The following HECW2 variants were observed in gnomAD, a reference collection of about 807,000 sequenced individuals.
HECW2 encodes the protein HECT, C2 and WW domain containing E3 ubiquitin protein ligase 2.
HECW2 carries 61 observed loss-of-function variants against 175.2 expected under a neutral mutation model. That is an observed-to-expected ratio of 0.35 (90% CI 0.28 to 0.43). The LOEUF (loss-of-function observed/expected upper bound fraction) is 0.43. Among genes scored for constraint, HECW2 ranks in the 20% least tolerant of loss-of-function variants. The probability of loss-of-function intolerance (pLI) is 1.00; values close to 1 mark genes in which losing one functional copy is unlikely to be tolerated. For synonymous variants in HECW2, 671 were observed against 731.0 expected (o/e 0.92, Z 1.32); for missense variants, 1,524 against 2,000.5 (o/e 0.76, Z 4.54).
chr2:196,359,757 C>A lies in HECW2; in HGVS notation c.293-15993G>T, dbSNP rs1334506486. On this transcript the variant is annotated intron_variant, in intron 2 of 28. Coordinates refer to ENST00000644978, the MANE Select transcript of HECW2 (RefSeq NM_001348768.2). Reference sequence around the variant, plus strand: ...AGGAGGTTACTCTTATTGAACTAAACCAAATACTTGTTGGAGCTCATCTAA... The same window carrying A: ...AGGAGGTTACTCTTATTGAACTAAAACAAATACTTGTTGGAGCTCATCTAA... 2.0e-5 allele frequency among the ~76,000 whole-genome samples: 3 copies of A among 152,124 alleles called. No individual in the cohort carries two copies. The East Asian group carries it at 5.8e-4, about 29-fold the overall frequency.
intron 28 of HECW2, 61 bp from the exon 29 acceptor site, chr2:196,201,449 G>GGTGT (rs369701554): frequency 8.0e-6 from 8 of 1,000,968 alleles, no homozygotes; most frequent in Non-Finnish European, 1.2e-5. Flanking sequence ...AAATGTGTGT[G>GGTGT]GTGTGTGTGT....
Position 196,334,459 on chromosome 2 carries a change from T to TC in HECW2, c.459dup (p.Thr154AspfsTer33). ...GGGTTCTTCACGGTGATGCAGGGGG[T>TC]CGTGGCTCGCAGGGCTCCACTAATG... is the stretch of plus-strand genomic sequence containing the variant. On this transcript the variant is annotated frameshift_variant, in exon 4 of 29. Transcript: ENST00000644978. LOFTEE classifies it high-confidence loss of function. 6.2e-7 allele frequency: 1 copy of TC among 1,609,052 alleles called. No homozygotes were observed. Among genetic ancestry groups the TC allele is most frequent in the Non-Finnish European group, 8.5e-7 (1 of 1,178,158 alleles).
chr2:196,235,994 T>A (rs1008067756), intron 21 of HECW2, among the ~76,000 whole-genome samples: 1 of 152,184 alleles, frequency 6.6e-6, no homozygotes, highest in Non-Finnish European at 1.5e-5. Context: ...CTTTTCTTTA[T>A]GCTTTAGCTA....
chr2:196,398,106 C>A (rs1187794730), intron 2 of HECW2, among the ~76,000 whole-genome samples: 4 of 127,232 alleles, frequency 3.1e-5, no homozygotes, highest in Non-Finnish European at 4.9e-5. Flanking sequence ...GGAAAGGTGG[C>A]TGGATGGGTT....
chr2:196,556,268 T>C (rs1689790650), intron 1 of HECW2, among the ~76,000 whole-genome samples: 2 of 152,196 alleles, frequency 1.3e-5, no homozygotes, highest in Admixed American at 1.3e-4. Flanking sequence ...AATTAACATG[T>C]CCATCACCTC....
intron 1 of HECW2, among the ~76,000 whole-genome samples, chr2:196,436,233 T>C (rs999406267): frequency 1.3e-5 from 2 of 151,990 alleles, no homozygotes; most frequent in African/African-American, 4.8e-5. Flanking sequence ...ACCCCATCTC[T>C]ACTACAAAAT....
rs1157963107 is a variant in HECW2 at position 196,278,569 on chromosome 2, G to A, written c.3094C>T (p.Arg1032Trp). 3.1e-6 allele frequency: 5 copies of A among 1,614,086 alleles called. No homozygotes were observed. Among genetic ancestry groups the A allele is most frequent in the South Asian group, 2.2e-5 (2 of 91,076 alleles). The change falls in exon 15 of 29, where the codon CGG becomes TGG. Residue 1032 changes from arginine to tryptophan, a missense_variant. Arg to Trp is a moderately radical substitution (Grantham distance 101). Around this residue, in one of 11 missense-constraint regions of HECW2, gnomAD observed 291 missense variants for 412.2 expected, o/e 0.71. Coordinates refer to ENST00000644978, the MANE Select transcript of HECW2 (RefSeq NM_001348768.2). ...SSRPTSALVH[R>W]QHLTRQRSHS... ...CTGCGTTGCCTTGTCAGGTGTTGCC[G>A]ATGAACCAGCGCACTTGTGGGTCTA...
At chr2:196,308,901 T>G (rs1247548439) in intron 10 of HECW2, among the ~76,000 whole-genome samples, 1 of 152,184 alleles carries the variant, frequency 6.6e-6, no homozygotes, top group Admixed American at 6.5e-5. Flanking sequence ...ATTACAAGTG[T>G]GAAGGGTAAT....
At chr2:196,563,173 TTGA>T (rs1400155888) in intron 1 of HECW2, among the ~76,000 whole-genome samples, 5 of 151,544 alleles carry the variant, frequency 3.3e-5, no homozygotes, top group Middle Eastern at 3.4e-3. Flanking sequence ...CATCAAACAA[TTGA>T]TGATAGAAGA....
chr2:196,202,053 GA>G (rs1373655131), intron 28 of HECW2, among the ~76,000 whole-genome samples: 2 of 151,862 alleles, frequency 1.3e-5, no homozygotes, highest in African/African-American at 2.4e-5. Flanking sequence ...GCCAAGATAG[GA>G]AAAAAATATG....
At chr2:196,540,716 C>T (rs1274103506) in intron 1 of HECW2, among the ~76,000 whole-genome samples, 2 of 152,178 alleles carry the variant, frequency 1.3e-5, no homozygotes, top group Non-Finnish European at 2.9e-5. Context: ...GGTTTATAAG[C>T]ATCAGCCACT....
chr2:196,504,659 A>G (rs1054648733), intron 1 of HECW2, among the ~76,000 whole-genome samples: 1 of 152,188 alleles, frequency 6.6e-6, no homozygotes, highest in African/African-American at 2.4e-5. Flanking sequence ...ATTCAAGACC[A>G]TTCTCTTTTA....
intron 2 of HECW2, among the ~76,000 whole-genome samples, chr2:196,431,799 A>G (rs1695721461): frequency 6.6e-6 from 1 of 152,226 alleles, no homozygotes. Flanking sequence ...AAGGAAAAAA[A>G]AGAGAGATAA....
At chr2:196,308,297 G>A in intron 10 of HECW2, 1 of 380,798 alleles carries the variant, frequency 2.6e-6, no homozygotes. Flanking sequence ...TATAATACCA[G>A]TCCCTTAAAT....
chr2:196,381,980 T>C (rs577751410), intron 2 of HECW2, among the ~76,000 whole-genome samples: 6 of 152,270 alleles, frequency 3.9e-5, no homozygotes, highest in African/African-American at 7.2e-5. Flanking sequence ...CCATCAAATA[T>C]ACCAGTTAAT....
At chr2:196,411,506 C>A (rs1236338586) in intron 2 of HECW2, among the ~76,000 whole-genome samples, 1 of 152,206 alleles carries the variant, frequency 6.6e-6, no homozygotes, top group Non-Finnish European at 1.5e-5. Context: ...GATGGCTCTC[C>A]ACATGAATCA....
intron 1 of HECW2, among the ~76,000 whole-genome samples, chr2:196,571,700 C>CA (rs111632715): frequency 0.025 from 3,542 of 144,392 alleles, 113 homozygotes; most frequent in African/African-American, 0.078. Flanking sequence ...GATTCTGTCT[C>CA]AAAAAAAAAA....
intron 2 of HECW2, among the ~76,000 whole-genome samples, chr2:196,373,310 G>C (rs1290112460): frequency 1.3e-5 from 2 of 152,144 alleles, no homozygotes; most frequent in Non-Finnish European, 2.9e-5. Context: ...AAAAAGAATT[G>C]CCTGTTTTCA....
intron 2 of HECW2, among the ~76,000 whole-genome samples, chr2:196,431,592 T>C (rs1169616605): frequency 6.6e-6 from 1 of 152,142 alleles, no homozygotes; most frequent in Non-Finnish European, 1.5e-5. Flanking sequence ...TAAAGAGAAG[T>C]TATATGAAGT....
Sources: allele counts gnomAD v4.1 joint callset (sites outside exome capture counted in the v4.1 genomes callset), GRCh38; gene constraint gnomAD v4.1.1; regional missense constraint gnomAD v4.1.1; transcripts MANE v1.5; gene names NCBI Gene and HGNC (gene_info 2026-07-23, HGNC 2026-07-21).